Variants in ZNF469 observed in about 807,000 individuals in gnomAD.
The protein encoded by ZNF469 is zinc finger protein 469.
ZNF469 carries 1 observed loss-of-function variant against 1.0 expected under a neutral mutation model. The ratio of observed to expected loss-of-function variants is 1.00; its 90% CI spans 0.35 to 4.73. The LOEUF is 4.73. Ranked by LOEUF, ZNF469 falls within the 30% of genes most tolerant of loss-of-function variation. The pLI is 0.16. For missense variants in ZNF469, 6,100 were observed against 5,356.3 expected (o/e 1.14, Z -4.33); for synonymous variants, 2,703 against 2,363.4 (o/e 1.14, Z -4.17).
At chr16:88,324,376 C>T in the ZNF469 span, among the ~76,000 whole-genome samples, 10 of 152,246 alleles carry the variant, frequency 6.6e-5, no homozygotes, top group African/African-American at 2.4e-4. Flanking sequence ...GCTGTTGTGT[C>T]ACAGCTGTGC....
the ZNF469 span, among the ~76,000 whole-genome samples, chr16:88,361,702 T>C: frequency 6.6e-6 from 1 of 152,224 alleles, no homozygotes; most frequent in Non-Finnish European, 1.5e-5. Context: ...TGGTTTCTTT[T>C]TTTTTTCGTT....
At position 88,430,731 on chromosome 16, in the gene ZNF469, C is replaced by A; in HGVS notation, c.3261C>A (p.Arg1087=). ...AGRPRPGAED[R]RLREYDFASE... is the part of the protein sequence containing the mutation. ...GGCCCCGGCCCGGAGCTGAGGACCG[C>A]AGGCTCCGCGAGTACGACTTCGCCT... Residue 1087 remains arginine (R), a synonymous_variant, in exon 3 of 3, where the codon CGC becomes CGA. Coordinates refer to ENST00000565624, the MANE Select transcript of ZNF469 (RefSeq NM_001367624.2). 6.7e-7 allele frequency: 1 copy of A among 1,499,126 alleles called. No individual in the cohort carries two copies. Among genetic ancestry groups the A allele is most frequent in the Non-Finnish European group, 8.8e-7 (1 of 1,132,112 alleles). The allele number at this position is 1,499,126 out of a possible 1,614,324, so 92.9% of individuals were successfully genotyped here.
intron 1 of ZNF469, among the ~76,000 whole-genome samples, chr16:88,398,936 C>T (rs538846790): frequency 1.2e-4 from 19 of 152,366 alleles, no homozygotes; most frequent in African/African-American, 4.6e-4. Flanking sequence ...TTCATCCCCA[C>T]AGCAAACCAC....
In ZNF469 at chr16:88,437,204, C is replaced by T. The variant is rs1906648475; in HGVS notation, c.9734C>T (p.Ala3245Val). The T allele has an allele frequency of 6.5e-7, 1 of 1,549,362 alleles. No individual in the cohort carries two copies. Among genetic ancestry groups the T allele is most frequent in the South Asian group, 1.2e-5 (1 of 84,040 alleles). Residue 3245 changes from alanine to valine, a missense_variant, in exon 3 of 3, where the codon GCC (alanine) becomes GTC (valine). Transcript: ENST00000565624. ...APKHHRGKRS[A>V]GKAAGSPGDP... ...AAACACCACAGGGGCAAGCGCTCCG[C>T]CGGCAAGGCCGCCGGGAGCCCGGGA...
rs577446263 is a variant in ZNF469, at chr16:88,428,303, C to T, written c.833C>T (p.Pro278Leu). 4.3e-5 allele frequency: 67 copies of T among 1,550,342 alleles called. No homozygotes were observed. The East Asian group carries it at 9.3e-4, about 21-fold the overall frequency. Residue 278 changes from proline to leucine, a missense_variant, in exon 3 of 3, where the codon CCG becomes CTG. Pro to Leu is a moderately conservative substitution (Grantham distance 98). Coordinates refer to ENST00000565624, the MANE Select transcript of ZNF469 (RefSeq NM_001367624.2). ...GGAGTTTCCTTCCAGTTCCCCTTCC[C>T]GGCACTGCATGGGGCCAGCACAAAA... is the stretch of plus-strand genomic sequence containing the variant. Reference protein sequence around the residue: ...PRGVSFQFPFPALHGASTKPF... With the variant: ...PRGVSFQFPFLALHGASTKPF...
the ZNF469 span, among the ~76,000 whole-genome samples, chr16:88,373,922 A>G: frequency 6.6e-6 from 1 of 152,214 alleles, no homozygotes; most frequent in Admixed American, 6.5e-5. Context: ...GCTTGAACCC[A>G]GGAGGAAGAG....
At chr16:88,357,339 C>T in the ZNF469 span, among the ~76,000 whole-genome samples, 2 of 152,224 alleles carry the variant, frequency 1.3e-5, no homozygotes, top group Non-Finnish European at 2.9e-5. Flanking sequence ...CACCTCTCCA[C>T]GGGTCTAGAC....
the ZNF469 span, among the ~76,000 whole-genome samples, chr16:88,103,992 G>A: frequency 4.6e-5 from 7 of 152,054 alleles, no homozygotes; most frequent in African/African-American, 7.2e-5. Context: ...TGTGACAGTC[G>A]CCAGGGCTGC....
At chr16:88,186,580 A>T in the ZNF469 span, among the ~76,000 whole-genome samples, 2 of 152,124 alleles carry the variant, frequency 1.3e-5, no homozygotes, top group African/African-American at 4.8e-5. Flanking sequence ...AGGGACGAAG[A>T]GGCCGAACAC....
chr16:88,150,403 G>GT, the ZNF469 span, among the ~76,000 whole-genome samples: 2 of 152,286 alleles, frequency 1.3e-5, no homozygotes, highest in Admixed American at 6.5e-5. Context: ...AGTTACAGCT[G>GT]TTTTTTGGTT....
the ZNF469 span, among the ~76,000 whole-genome samples, chr16:88,247,240 G>GGTGAATGAGTAA: frequency 6.8e-6 from 1 of 147,472 alleles, no homozygotes; most frequent in African/African-American, 2.5e-5. Flanking sequence ...GGGAGTGAAT[G>GGTGAATGAGTAA]GTGAATGAGT....
the ZNF469 span, among the ~76,000 whole-genome samples, chr16:88,335,037 C>T: frequency 6.6e-6 from 1 of 152,240 alleles, no homozygotes; most frequent in Non-Finnish European, 1.5e-5. Flanking sequence ...ACAGGGGAGC[C>T]ATGCAGCCAC....
chr16:88,386,133 T>G (rs1438917065), intron 1 of ZNF469, among the ~76,000 whole-genome samples: 1 of 152,094 alleles, frequency 6.6e-6, no homozygotes, highest in African/African-American at 2.4e-5. Context: ...TCCCAGCGCC[T>G]TCCCCATTTT....
chr16:88,432,073 G>A lies in ZNF469; in HGVS notation c.4603G>A (p.Val1535Ile), dbSNP rs1906233100. The part of the protein sequence containing the change: ...SKTCPPERTV[V>I]PGAAPSLPGK... ...GACGTGTCCCCCTGAACGGACAGTG[G>A]TTCCCGGCGCCGCCCCATCTTTGCC... The change falls in exon 3 of 3, where the codon GTT becomes ATT. Residue 1535 changes from valine (V) to isoleucine (I), a missense_variant. Physicochemically the swap from Val to Ile is conservative, Grantham distance 29. Coordinates refer to ENST00000565624, the MANE Select transcript of ZNF469 (RefSeq NM_001367624.2). The A allele has an allele frequency of 4.5e-6, 7 of 1,550,536 alleles. No homozygotes were observed. The highest frequency in any genetic ancestry group is 6.1e-6 in the Non-Finnish European group (7 of 1,147,012).
the ZNF469 span, among the ~76,000 whole-genome samples, chr16:88,108,944 G>A: frequency 6.6e-6 from 1 of 152,204 alleles, no homozygotes; most frequent in Admixed American, 6.5e-5. Context: ...TCATGAGTGA[G>A]CCTGTGCCAC....
At chr16:88,362,807 C>T in the ZNF469 span, among the ~76,000 whole-genome samples, 3 of 152,156 alleles carry the variant, frequency 2.0e-5, no homozygotes, top group African/African-American at 7.2e-5. Context: ...ATTTTTGACC[C>T]ATTGTCACCC....
the ZNF469 span, among the ~76,000 whole-genome samples, chr16:88,323,622 G>A: frequency 6.6e-6 from 1 of 152,150 alleles, no homozygotes; most frequent in African/African-American, 2.4e-5. Flanking sequence ...TCTTGGCAAA[G>A]CCAGGATCTC....
the ZNF469 span, among the ~76,000 whole-genome samples, chr16:88,340,157 G>A: frequency 1.3e-5 from 2 of 152,174 alleles, no homozygotes; most frequent in Non-Finnish European, 2.9e-5. Context: ...GGCTGAGCCG[G>A]CACAGAGGTG....
In ZNF469 at chr16:88,429,340, C is replaced by A. The variant is rs759028761; in HGVS notation, c.1870C>A (p.Gln624Lys). The A allele has an allele frequency of 1.4e-5, 22 of 1,549,832 alleles. No individual in the cohort carries two copies. The African/African-American group carries it at 2.9e-4, about 20-fold the overall frequency. The change falls in exon 3 of 3, where the codon CAG becomes AAG. Residue 624 changes from glutamine to lysine, a missense_variant. Gln to Lys is a moderately conservative substitution (Grantham distance 53). Coordinates refer to ENST00000565624, the MANE Select transcript of ZNF469 (RefSeq NM_001367624.2). ...SPANPSSEES[Q>K]LPGPLGPSAF... ...AGCCAACCCCAGCTCAGAGGAAAGC[C>A]AGCTCCCCGGCCCCCTCGGGCCCTC... is the stretch of plus-strand genomic sequence containing the variant.
Sources: allele counts gnomAD v4.1 joint callset (sites outside exome capture counted in the v4.1 genomes callset), GRCh38; gene constraint gnomAD v4.1.1; transcripts MANE v1.5; gene names NCBI Gene and HGNC (gene_info 2026-07-23, HGNC 2026-07-21).